The following GPR19 variants were observed in gnomAD, a reference collection of about 807,000 sequenced individuals.
The protein encoded by GPR19 is probable G protein-coupled receptor 19.
GPR19 carries 14 observed loss-of-function variants against 28.5 expected under a neutral mutation model. The observed-to-expected ratio is 0.49, with a 90% CI of 0.32 to 0.77. GPR19 has a LOEUF of 0.77. Ranked by LOEUF, GPR19 falls within the 30% of genes least tolerant of loss-of-function variation. The probability of loss-of-function intolerance (pLI) is 0.03; values close to 1 mark genes in which losing one functional copy is unlikely to be tolerated. For missense variants in GPR19, 409 were observed against 504.1 expected (o/e 0.81, Z 1.81); for synonymous variants, 173 against 184.1 (o/e 0.94, Z 0.49).
the GPR19 span, among the ~76,000 whole-genome samples, chr12:12,715,510 G>A: frequency 1.1e-4 from 17 of 152,192 alleles, no homozygotes; most frequent in Non-Finnish European, 2.1e-4. Flanking sequence ...GATACCACAG[G>A]CTCAAGACAG....
the GPR19 span, chr12:12,703,283 T>C: frequency 3.2e-6 from 2 of 618,242 alleles, no homozygotes; most frequent in African/African-American, 2.0e-5. Context: ...AACTTGCCTC[T>C]ATGTCTGTGG....
At chr12:12,710,240 CT>C in the GPR19 span, among the ~76,000 whole-genome samples, 1 of 151,764 alleles carries the variant, frequency 6.6e-6, no homozygotes, top group East Asian at 1.9e-4. Flanking sequence ...CTAATCCCAG[CT>C]ACTTGGGAGG....
rs769025593 is a variant in GPR19, at chr12:12,661,361, CTTG to C, written c.1085_1087del (p.Thr362del). ...GTAGTTTTTTTTGGCCATCCTTGAACTTGTTGTGATAGTATAGGCATTGCTTCG... is the reference window on the plus strand; with the variant it reads ...GTAGTTTTTTTTGGCCATCCTTGAACTTGTGATAGTATAGGCATTGCTTCG... On this transcript the variant is annotated inframe_deletion, in exon 4 of 4. Coordinates refer to ENST00000651487, the MANE Select transcript of GPR19 (RefSeq NM_006143.3). The surrounding 1 kb of genome is among the most constrained non-coding windows in gnomAD (Gnocchi z 4.2). 2.5e-6 allele frequency: 4 copies of C among 1,613,888 alleles called. No homozygotes were observed. The highest frequency in any genetic ancestry group is 1.1e-5 in the South Asian group (1 of 91,072).
At chr12:12,705,559 T>G in the GPR19 span, among the ~76,000 whole-genome samples, 1 of 152,120 alleles carries the variant, frequency 6.6e-6, no homozygotes, top group African/African-American at 2.4e-5. Context: ...AATTTTTTTT[T>G]TTTTGAGACA....
chr12:12,699,203 G>A (rs1195638290), upstream of GPR19, among the ~76,000 whole-genome samples: 12 of 152,016 alleles, frequency 7.9e-5, no homozygotes, highest in African/African-American at 2.4e-4. Flanking sequence ...TTAGCCGGGC[G>A]TGGTGGTGCA....
At chr12:12,713,698 A>G in the GPR19 span, among the ~76,000 whole-genome samples, 2 of 151,790 alleles carry the variant, frequency 1.3e-5, no homozygotes, top group Non-Finnish European at 2.9e-5. Context: ...ATGCCCAGCT[A>G]ATGTTTGTAT....
chr12:12,685,467 G>A (rs1302038042), intron 2 of GPR19, among the ~76,000 whole-genome samples: 1 of 152,164 alleles, frequency 6.6e-6, no homozygotes, highest in East Asian at 1.9e-4. Flanking sequence ...GAGCTGTTTT[G>A]TGCAGGGTCT....
Position 12,661,139 on chromosome 12 carries a change from C to T in GPR19, c.*62G>A. On this transcript the variant is annotated 3_prime_UTR_variant, in exon 4 of 4. Coordinates refer to ENST00000651487, the MANE Select transcript of GPR19 (RefSeq NM_006143.3). This position sits in a 1 kb window ranked among gnomAD's most constrained non-coding sequence, Gnocchi z 4.2. ...TGAGTGAAAACAAATATGTAAATAG[C>T]TTCTGTTTTTATAGTTAAAGCTTTT... 1 of 1,140,550 alleles carries T rather than the reference C, an allele frequency of 8.8e-7. No homozygotes were observed. The highest frequency in any genetic ancestry group is 1.2e-6 in the Non-Finnish European group (1 of 809,220). The allele number at this position is 1,140,550 out of a possible 1,614,324, so 70.7% of individuals were successfully genotyped here.
the GPR19 span, among the ~76,000 whole-genome samples, chr12:12,702,868 T>G: frequency 6.6e-6 from 1 of 152,262 alleles, no homozygotes; most frequent in Non-Finnish European, 1.5e-5. Context: ...TTCACTTGGA[T>G]GTACCGTATA....
Position 12,661,747 on chromosome 12 carries a change from A to G in GPR19, c.702T>C (p.Ile234=). The change falls in exon 4 of 4, where the codon ATT becomes ATC. Residue 234 remains isoleucine, a synonymous_variant. Coordinates refer to ENST00000651487, the MANE Select transcript of GPR19 (RefSeq NM_006143.3). The surrounding 1 kb of genome is among the most constrained non-coding windows in gnomAD (Gnocchi z 4.2). ...TVIHFLVGFV[I]PSVLIILFYQ... is the part of the protein sequence containing the mutation. The stretch of plus-strand genomic sequence containing the variant: ...AAAATAAAATTATGAGGACAGATGG[A>G]ATCACAAAGCCCACCAAGAAGTGGA... The G allele has an allele frequency of 6.2e-7, 1 of 1,614,082 alleles. No individual in the cohort carries two copies. The highest frequency in any genetic ancestry group is 1.7e-4 in the Middle Eastern group (1 of 6,060).
upstream of GPR19, among the ~76,000 whole-genome samples, chr12:12,698,287 G>T (rs957859193): frequency 5.3e-5 from 8 of 152,288 alleles, no homozygotes; most frequent in African/African-American, 1.9e-4. Context: ...AATTTAGTCT[G>T]CCCCGTGACT....
At chr12:12,699,584 G>A (rs183300415), upstream of GPR19, among the ~76,000 whole-genome samples, 255 of 152,278 alleles carry the variant, frequency 1.7e-3, no homozygotes, top group African/African-American at 5.4e-3. Flanking sequence ...AAGAGTTCAA[G>A]TCCAGCCTGG....
At chr12:12,692,389 C>CT (rs11399926) in intron 2 of GPR19, among the ~76,000 whole-genome samples, 139,250 of 150,358 alleles carry the variant, frequency 0.93, 65,345 homozygotes, top group East Asian at 1. Context: ...CTTCTCTTGT[C>CT]TTTTTTTTTG....
rs142132189 is a variant in GPR19 at position 12,678,667 on chromosome 12, C to A, written c.-23+5684G>T. Among the ~76,000 whole-genome samples the A allele has an allele frequency of 4.5e-3, 681 of 152,298 alleles. 3 individuals carry two copies. The highest frequency in any genetic ancestry group is 6.5e-3 in the Admixed American group (100 of 15,302). On this transcript the variant is annotated intron_variant, in intron 3 of 3. Transcript: ENST00000651487. ...CCCCAATTTGAAGATTTATTTCTCT[C>A]TTTGGATATAGAACAAAATAACTTT...
intron 3 of GPR19, among the ~76,000 whole-genome samples, chr12:12,670,219 A>G (rs897909275): frequency 2.0e-5 from 3 of 152,216 alleles, no homozygotes; most frequent in African/African-American, 7.2e-5. Context: ...ATAAATAACA[A>G]ATAATTTTTT....
chr12:12,679,839 G>A (rs1424264758), intron 3 of GPR19, among the ~76,000 whole-genome samples: 1 of 152,118 alleles, frequency 6.6e-6, no homozygotes, highest in Non-Finnish European at 1.5e-5. Context: ...TATTTTACAT[G>A]TTTGTGCTTA....
At position 12,668,849 on chromosome 12, in the gene GPR19, C is replaced by A. The variant is rs1222085757; in HGVS notation, c.-22-6379G>T. The A allele has an allele frequency of 5.3e-5, 8 of 152,130 alleles. No homozygotes were observed. The East Asian group carries it at 1.5e-3, about 29-fold the overall frequency. 9.4% of individuals were successfully genotyped at this position (152,130 alleles called of 1,614,324 possible). On this transcript the variant is annotated intron_variant, in intron 3 of 3. Transcript: ENST00000651487. Reference sequence around the variant, plus strand: ...TTTTGTGCTTACTATGTGCCAGGCACTTTATATGTGTAACCCCTCAAAGTA... The same window carrying A: ...TTTTGTGCTTACTATGTGCCAGGCAATTTATATGTGTAACCCCTCAAAGTA...
At chr12:12,664,944 AAAG>A (rs1341863172) in intron 3 of GPR19, among the ~76,000 whole-genome samples, 298 of 21,660 alleles carry the variant, frequency 0.014, 33 homozygotes, top group South Asian at 0.037. Context: ...AAAAAAAAAA[AAAG>A]AAATCAGGAC....
intron 3 of GPR19, among the ~76,000 whole-genome samples, chr12:12,683,119 C>G (rs1286951448): frequency 1.3e-5 from 2 of 152,000 alleles, no homozygotes; most frequent in African/African-American, 4.8e-5. Flanking sequence ...TTTAAAAAAC[C>G]CATGATATAA....
Sources: gnomAD v4.1 joint callset for allele counts (sites outside exome capture counted in the v4.1 genomes callset) on GRCh38, gnomAD v4.1.1 for gene constraint, Gnocchi (gnomAD v3.1) non-coding constraint, MANE v1.5 for transcripts, NCBI Gene and HGNC (gene_info 2026-07-23, HGNC 2026-07-21) for gene names.